Variants in NXPH1 observed in about 807,000 individuals in gnomAD.
NXPH1 encodes neurexophilin 1.
In NXPH1, 5 loss-of-function variants were observed where a neutral mutation model predicts 23.7. That is an observed-to-expected ratio of 0.21 (90% CI 0.11 to 0.44). NXPH1 has a LOEUF of 0.44. Among genes scored for constraint, NXPH1 ranks in the 20% least tolerant of loss-of-function variants. The pLI is 0.99. For synonymous variants in NXPH1, 144 were observed against 122.2 expected, an observed-to-expected ratio of 1.18 and a Z score of -1.18; for missense variants, 324 against 321.6, an observed-to-expected ratio of 1.01 and a Z score of -0.06.
At chr7:8,727,522 T>C (rs1287609700) in intron 2 of NXPH1, among the ~76,000 whole-genome samples, 1 of 151,552 alleles carries the variant, frequency 6.6e-6, no homozygotes. Context: ...GTATAAGGTG[T>C]AAGGAAGGGA....
chr7:8,465,914 C>T (rs920506596), intron 2 of NXPH1, among the ~76,000 whole-genome samples: 3 of 152,130 alleles, frequency 2.0e-5, no homozygotes, highest in Admixed American at 2.0e-4. Flanking sequence ...AAGAGAATCC[C>T]CTTCTGTCCC....
At chr7:8,555,302 T>G (rs1818339889) in intron 2 of NXPH1, among the ~76,000 whole-genome samples, 1 of 151,722 alleles carries the variant, frequency 6.6e-6, no homozygotes, top group African/African-American at 2.4e-5. Context: ...ATGGTCACTT[T>G]GCTTTTAGTT....
chr7:8,646,270 A>AT (rs1650988673), intron 2 of NXPH1, among the ~76,000 whole-genome samples: 2 of 152,104 alleles, frequency 1.3e-5, no homozygotes, highest in African/African-American at 4.8e-5. Flanking sequence ...TTAGAGATAC[A>AT]TTTTTAAACT....
intron 2 of NXPH1, among the ~76,000 whole-genome samples, chr7:8,451,581 A>G (rs1251287840): frequency 6.6e-6 from 1 of 152,222 alleles, no homozygotes; most frequent in Admixed American, 6.5e-5. Flanking sequence ...TTGATAGTAA[A>G]AAGCATTAGT....
intron 2 of NXPH1, among the ~76,000 whole-genome samples, chr7:8,727,374 G>T (rs1315047958): frequency 2.9e-5 from 4 of 140,178 alleles, no homozygotes; most frequent in Non-Finnish European, 6.1e-5. Context: ...GGCTTTTGTT[G>T]CCATTGCTTT....
chr7:8,733,440 C>G (rs1453812611), intron 2 of NXPH1, among the ~76,000 whole-genome samples: 1 of 152,146 alleles, frequency 6.6e-6, no homozygotes, highest in Non-Finnish European at 1.5e-5. Context: ...GTTCTAGATC[C>G]TTGAGGAATC....
intron 2 of NXPH1, among the ~76,000 whole-genome samples, chr7:8,452,922 C>T (rs1816531959): frequency 6.6e-6 from 1 of 152,070 alleles, no homozygotes; most frequent in South Asian, 2.1e-4. Context: ...ATTGCTACTT[C>T]TGACAGCCCA....
chr7:8,747,043 T>TCCTTA (rs1286122111), intron 2 of NXPH1, among the ~76,000 whole-genome samples: 1 of 152,154 alleles, frequency 6.6e-6, no homozygotes, highest in African/African-American at 2.4e-5. Flanking sequence ...TATTGAACAG[T>TCCTTA]GTTCCAGGTA....
chr7:8,683,532 A>G (rs943546896), intron 2 of NXPH1, among the ~76,000 whole-genome samples: 1 of 152,192 alleles, frequency 6.6e-6, no homozygotes, highest in Non-Finnish European at 1.5e-5. Flanking sequence ...GTTGGCAGAA[A>G]ATGATTCAGC....
rs146724032 is a variant in NXPH1 at position 8,639,634 on chromosome 7, C to T, written c.55-111374C>T. ...TGATATGGTTTGGCTGTGTCCCCCA[C>T]CCAAATCTTAACTTGAATTGTATCT... On this transcript the variant is annotated intron_variant, in intron 2 of 2. Coordinates refer to ENST00000405863, the MANE Select transcript of NXPH1 (RefSeq NM_152745.3). Among the ~76,000 whole-genome samples the T allele has an allele frequency of 8.5e-3, 1,292 of 152,228 alleles. 20 individuals are homozygous for T. Among genetic ancestry groups the T allele is most frequent in the African/African-American group, 0.029 (1,219 of 41,520 alleles).
At chr7:8,595,575 G>T (rs1359336953) in intron 2 of NXPH1, among the ~76,000 whole-genome samples, 2 of 152,006 alleles carry the variant, frequency 1.3e-5, no homozygotes, top group East Asian at 3.9e-4. Context: ...GATTTAATCT[G>T]CTAGGCATTT....
In NXPH1 at chr7:8,444,237, C is replaced by T. The variant is rs143713293; in HGVS notation, c.54+8470C>T. Among the ~76,000 whole-genome samples, 267 of 152,268 alleles carry T rather than the reference C, an allele frequency of 1.8e-3. 3 individuals carry two copies. Among genetic ancestry groups the T allele is most frequent in the African/African-American group, 6.0e-3 (251 of 41,548 alleles). On this transcript the variant is annotated intron_variant, in intron 2 of 2. Coordinates refer to ENST00000405863, the MANE Select transcript of NXPH1 (RefSeq NM_152745.3). ...ATCTGGCATGTAGTGCTCCATTAAC[C>T]CGTAGCATAAGTTAGCTCGGACATA...
chr7:8,544,917 G>A (rs552956526), intron 2 of NXPH1, among the ~76,000 whole-genome samples: 4 of 151,560 alleles, frequency 2.6e-5, no homozygotes, highest in African/African-American at 9.7e-5. Context: ...TCTTTTCTTT[G>A]ATTGCAGAAG....
At chr7:8,580,302 T>C (rs1376875306) in intron 2 of NXPH1, among the ~76,000 whole-genome samples, 1 of 152,216 alleles carries the variant, frequency 6.6e-6, no homozygotes, top group Non-Finnish European at 1.5e-5. Flanking sequence ...GTTAAAAGTT[T>C]ATACTTCCAC....
chr7:8,517,450 G>C (rs1180401713), intron 2 of NXPH1, among the ~76,000 whole-genome samples: 2 of 152,130 alleles, frequency 1.3e-5, no homozygotes, highest in African/African-American at 4.8e-5. Context: ...GTTCGGTGCT[G>C]TCAGATGTAA....
At chr7:8,492,086 A>G (rs1288132602) in intron 2 of NXPH1, among the ~76,000 whole-genome samples, 2 of 152,068 alleles carry the variant, frequency 1.3e-5, no homozygotes, top group Admixed American at 6.6e-5. Flanking sequence ...GTGCAAGCAC[A>G]AGGAAATATG....
chr7:8,454,061 G>A (rs943932085), intron 2 of NXPH1, among the ~76,000 whole-genome samples: 1 of 149,644 alleles, frequency 6.7e-6, no homozygotes, highest in African/African-American at 2.5e-5. Context: ...GACATATCCA[G>A]GAGAACAACA....
chr7:8,616,955 T>A (rs1819756168), intron 2 of NXPH1, among the ~76,000 whole-genome samples: 1 of 151,970 alleles, frequency 6.6e-6, no homozygotes, highest in African/African-American at 2.4e-5. Context: ...ATAGTAGTTG[T>A]GCCAAGAGAT....
intron 2 of NXPH1, among the ~76,000 whole-genome samples, chr7:8,698,871 A>C (rs959085524): frequency 1.3e-5 from 2 of 152,150 alleles, no homozygotes; most frequent in Non-Finnish European, 2.9e-5. Flanking sequence ...TTTAGCCCAG[A>C]GTGTCTCTAA....
Sources: allele counts gnomAD v4.1 joint callset (sites outside exome capture counted in the v4.1 genomes callset), GRCh38; gene constraint gnomAD v4.1.1; transcripts MANE v1.5; gene names NCBI Gene and HGNC (gene_info 2026-07-23, HGNC 2026-07-21).